KLF8: variants seen among roughly 807,000 people sequenced by gnomAD.
KLF8 encodes the protein Krueppel-like factor 8.
In KLF8, 10 loss-of-function variants were observed where a neutral mutation model predicts 18.2. The ratio of observed to expected loss-of-function variants is 0.55; its 90% confidence interval spans 0.34 to 0.93. The LOEUF (loss-of-function observed/expected upper bound fraction) is 0.93, where lower values mean the gene tolerates loss of function less well. Among genes scored for constraint, KLF8 ranks in the 40% least tolerant of loss-of-function variants. KLF8 has a pLI of 0.02. For synonymous variants in KLF8, 109 were observed against 97.3 expected (o/e 1.12, Z -0.71); for missense variants, 264 against 277.9 (o/e 0.95, Z 0.36).
At chrX:55,998,027 C>T in the KLF8 span, among the ~76,000 whole-genome samples, 3 of 111,549 alleles carry the variant, frequency 2.7e-5, no homozygotes, top group African/African-American at 9.8e-5. Flanking sequence ...CAGACAAACA[C>T]GTGAACAAAG....
the KLF8 span, among the ~76,000 whole-genome samples, chrX:56,202,634 A>G: frequency 1.1e-5 from 1 of 93,821 alleles, no homozygotes; most frequent in Admixed American, 1.3e-4. Context: ...TGTGTCTATG[A>G]GTTTCATTGT....
intron 3 of KLF8, chrX:56,267,199 C>T (rs766294510): frequency 1.2e-5 from 9 of 751,817 alleles, no homozygotes; most frequent in Non-Finnish European, 1.4e-5. Flanking sequence ...AATGTGGTTC[C>T]AAGCTAAGGG....
chrX:55,945,965 G>T, the KLF8 span, among the ~76,000 whole-genome samples: 32 of 110,817 alleles, frequency 2.9e-4, no homozygotes, highest in Admixed American at 2.0e-3. Context: ...ACTACAAACT[G>T]CTGCTCAATG....
At chrX:56,008,562 G>A in the KLF8 span, among the ~76,000 whole-genome samples, 1 of 111,951 alleles carries the variant, frequency 8.9e-6, no homozygotes, top group East Asian at 2.8e-4. Flanking sequence ...ATGTCACCAG[G>A]GCCTTGTGTC....
the KLF8 span, among the ~76,000 whole-genome samples, chrX:56,051,188 A>G: frequency 1.8e-5 from 2 of 111,432 alleles, no homozygotes; most frequent in Non-Finnish European, 1.9e-5. Context: ...GGTTTCCTGA[A>G]TACAGCATAC....
the KLF8 span, among the ~76,000 whole-genome samples, chrX:56,013,423 G>C: frequency 9.0e-6 from 1 of 111,647 alleles, no homozygotes; most frequent in Non-Finnish European, 1.9e-5. Context: ...GGTTAATGCT[G>C]GAATGAGTAA....
chrX:56,160,651 C>T, the KLF8 span, among the ~76,000 whole-genome samples: 3 of 111,596 alleles, frequency 2.7e-5, no homozygotes, highest in African/African-American at 9.8e-5. Context: ...TAATGGCCTT[C>T]TTTGTCTCTT....
At chrX:56,131,174 T>C in the KLF8 span, among the ~76,000 whole-genome samples, 1 of 111,968 alleles carries the variant, frequency 8.9e-6, no homozygotes, top group Non-Finnish European at 1.9e-5. Context: ...GATTATTGCC[T>C]AGGCACATAG....
chrX:56,184,624 CG>C, the KLF8 span, among the ~76,000 whole-genome samples: 2 of 111,800 alleles, frequency 1.8e-5, no homozygotes, highest in African/African-American at 3.3e-5. Flanking sequence ...GAGGCACCCC[CG>C]AGTAGCGGCA....
At chrX:56,187,605 A>T in the KLF8 span, among the ~76,000 whole-genome samples, 2 of 111,811 alleles carry the variant, frequency 1.8e-5, no homozygotes, top group Non-Finnish European at 3.8e-5. Flanking sequence ...CTTGATGAAC[A>T]TCGATGCAAA....
the KLF8 span, among the ~76,000 whole-genome samples, chrX:56,040,799 G>GTTTTT: frequency 6.8e-5 from 1 of 14,753 alleles, no homozygotes; most frequent in Non-Finnish European, 3.0e-4. Flanking sequence ...AATGATACCA[G>GTTTTT]CTTTTTTTTT....
At chrX:56,004,170 T>C in the KLF8 span, among the ~76,000 whole-genome samples, 2 of 112,407 alleles carry the variant, frequency 1.8e-5, no homozygotes, top group Admixed American at 9.4e-5. Context: ...ATAGGAAGAT[T>C]TGTAGAAAAG....
chrX:56,267,202 G>A lies in KLF8; in HGVS notation c.646+1458G>A, dbSNP rs553636590. The A allele has an allele frequency of 8.0e-6, 6 of 751,916 alleles. No individual in the cohort carries two copies. In the East Asian group the frequency reaches 4.6e-4, roughly 57 times the overall value. 62.0% of individuals were successfully genotyped at this position (751,916 alleles called of 1,213,427 possible). On this transcript the variant is annotated intron_variant, in intron 3 of 5. Coordinates refer to ENST00000468660, the MANE Select transcript of KLF8 (RefSeq NM_007250.5). ...TTAAATGTGCTCAATGTGGTTCCAA[G>A]CTAAGGGCATTGGCCCAATGGTGTC...
chrX:56,053,082 C>T, the KLF8 span, among the ~76,000 whole-genome samples: 2 of 112,148 alleles, frequency 1.8e-5, no homozygotes, highest in East Asian at 5.6e-4. Flanking sequence ...ACTCCCTGAC[C>T]TCTTGCACTT....
chrX:56,278,117 A>G, intron 5 of KLF8, among the ~76,000 whole-genome samples: 1 of 112,206 alleles, frequency 8.9e-6, no homozygotes, highest in Non-Finnish European at 1.9e-5. Flanking sequence ...GGAACTGGAG[A>G]CCCCAATATC....
the KLF8 span, among the ~76,000 whole-genome samples, chrX:56,188,009 G>T: frequency 9.0e-6 from 1 of 111,306 alleles, no homozygotes; most frequent in Non-Finnish European, 1.9e-5. Context: ...ACATAGTGTT[G>T]GAAGTTCTGG....
At chrX:56,148,567 C>T in the KLF8 span, among the ~76,000 whole-genome samples, 3 of 111,761 alleles carry the variant, frequency 2.7e-5, no homozygotes, top group Admixed American at 1.9e-4. Context: ...TCTGTTCTCA[C>T]GCTGCTAATA....
At chrX:55,993,199 A>C in the KLF8 span, among the ~76,000 whole-genome samples, 6 of 111,005 alleles carry the variant, frequency 5.4e-5, no homozygotes, top group Non-Finnish European at 7.6e-5. Context: ...GAATGCTTTG[A>C]GCTTTGACCC....
chrX:56,158,150 G>A, the KLF8 span, among the ~76,000 whole-genome samples: 5 of 110,978 alleles, frequency 4.5e-5, no homozygotes, highest in Admixed American at 9.6e-5. Context: ...ATAGGGAATC[G>A]TTTCCCCATT....
Sources: gnomAD v4.1 joint callset for allele counts (sites outside exome capture counted in the v4.1 genomes callset) on GRCh38, gnomAD v4.1.1 for gene constraint, MANE v1.5 for transcripts, NCBI Gene and HGNC (gene_info 2026-07-23, HGNC 2026-07-21) for gene names.